Variants in SIGLEC15 observed in about 807,000 individuals in gnomAD.
The protein encoded by SIGLEC15 is sialic acid binding Ig like lectin 15.
A neutral mutation model predicts 26.2 loss-of-function variants in SIGLEC15; 31 were observed. The ratio of observed to expected loss-of-function variants is 1.18; its 90% confidence interval spans 0.89 to 1.60. SIGLEC15 has a LOEUF of 1.60. SIGLEC15 is among the 40% of genes most tolerant of loss of function. SIGLEC15 has a pLI of 0.00. For missense variants in SIGLEC15, 501 were observed against 488.4 expected, an observed-to-expected ratio of 1.03 and a Z score of -0.24; for synonymous variants, 207 against 221.9, an observed-to-expected ratio of 0.93 and a Z score of 0.60.
intron 4 of SIGLEC15, 38 bp downstream of exon 4, chr18:45,839,133 G>A (rs938715380): frequency 5.4e-5 from 73 of 1,356,152 alleles, no homozygotes; most frequent in Non-Finnish European, 6.9e-5. Flanking sequence ...GCGAGGGGCC[G>A]GGCCGGGGCT....
chr18:45,840,363 A>T, intron 5 of SIGLEC15, 122 bp downstream of exon 5: 1 of 1,147,674 alleles, frequency 8.7e-7, no homozygotes, highest in Non-Finnish European at 1.2e-6. Flanking sequence ...TACTTTGACC[A>T]GGGGCTGGGC....
intron 3 of SIGLEC15, 116 bp from the exon 4 acceptor site, chr18:45,838,602 T>C: frequency 7.4e-7 from 1 of 1,345,352 alleles, no homozygotes; most frequent in Non-Finnish European, 9.7e-7. Flanking sequence ...GGGGGCAGCC[T>C]GGCACCCAAG....
chr18:45,840,649 C>G (rs1170807094), intron 5 of SIGLEC15, among the ~76,000 whole-genome samples: 1 of 152,242 alleles, frequency 6.6e-6, no homozygotes, highest in Non-Finnish European at 1.5e-5. Flanking sequence ...TAGGAAATCA[C>G]TGACTCCTGG....
intron 1 of SIGLEC15, among the ~76,000 whole-genome samples, chr18:45,826,743 C>G (rs1206643218): frequency 2.0e-5 from 3 of 152,182 alleles, no homozygotes; most frequent in Non-Finnish European, 4.4e-5. Flanking sequence ...GGATGATAAA[C>G]TCCCACACCT....
intron 1 of SIGLEC15, among the ~76,000 whole-genome samples, chr18:45,827,394 C>G (rs2048194070): frequency 6.6e-6 from 1 of 152,176 alleles, no homozygotes; most frequent in South Asian, 2.1e-4. Context: ...TAGGCACTGA[C>G]AGGGAAGGAG....
intron 1 of SIGLEC15, among the ~76,000 whole-genome samples, chr18:45,835,352 T>C (rs764676147): frequency 1.8e-4 from 27 of 152,084 alleles, no homozygotes; most frequent in Admixed American, 1.3e-4. Flanking sequence ...GTATGGTAAT[T>C]AGCTATTTAA....
Position 45,842,241 on chromosome 18 carries a change from TGCGAG to T in SIGLEC15, c.*57_*61del. The T allele has an allele frequency of 6.3e-7, 1 of 1,594,720 alleles. No individual in the cohort carries two copies. Among genetic ancestry groups the T allele is most frequent in the African/African-American group, 1.3e-5 (1 of 74,672 alleles). On this transcript the variant is annotated 3_prime_UTR_variant, in exon 6 of 6. Transcript: ENST00000389474. ...CAGCACTGTAAAGAACAAAGGCCAG[TGCGAG>T]GCTTGGCTGGCACAGCCAGTCCTGG... is the stretch of plus-strand genomic sequence containing the variant.
At position 45,842,884 on chromosome 18, in the gene SIGLEC15, G is replaced by C. The variant is rs1599401524; in HGVS notation, c.*697G>C. ...CAGAGTTCCAGAGAGCAAGCCTGGG[G>C]CAGGGGCTGTGCAAACGTGTGGTCA... On this transcript the variant is annotated 3_prime_UTR_variant, in exon 6 of 6. Transcript: ENST00000389474. The C allele has an allele frequency of 6.6e-6, 1 of 152,238 alleles. No individual in the cohort carries two copies. The highest frequency in any genetic ancestry group is 2.4e-5 in the African/African-American group (1 of 41,442). 9.4% of individuals were successfully genotyped at this position (152,238 alleles called of 1,614,324 possible). A position where few individuals can be genotyped will look rare whatever the true frequency, so the allele number is the denominator to read the frequency against.
intron 1 of SIGLEC15, among the ~76,000 whole-genome samples, chr18:45,829,543 C>G (rs2048215034): frequency 6.6e-6 from 1 of 152,192 alleles, no homozygotes; most frequent in Non-Finnish European, 1.5e-5. Context: ...AGGTCGACAG[C>G]CAATGGGAGT....
rs148995238 is a variant in SIGLEC15, at chr18:45,826,805, G to A, written c.52+1025G>A. On this transcript the variant is annotated intron_variant, in intron 1 of 5. Transcript: ENST00000389474. ...GTGTACTCAGACTGGAGTCCAGCTCGGGGCTGGTTTGGGCAGTAACAGCAA... is the reference window on the plus strand; with the variant it reads ...GTGTACTCAGACTGGAGTCCAGCTCAGGGCTGGTTTGGGCAGTAACAGCAA... 2.3e-3 allele frequency among the ~76,000 whole-genome samples: 345 copies of A among 152,308 alleles called. 1 individual carries two copies. The highest frequency in any genetic ancestry group is 7.9e-3 in the African/African-American group (329 of 41,558).
At chr18:45,829,246 C>A in intron 1 of SIGLEC15, 1 of 740,864 alleles carries the variant, frequency 1.3e-6, no homozygotes, top group Non-Finnish European at 1.6e-6. Context: ...AAAGGGGAAG[C>A]CAGATAACCC....
At chr18:45,829,963 G>A (rs907354175) in intron 1 of SIGLEC15, among the ~76,000 whole-genome samples, 4 of 152,094 alleles carry the variant, frequency 2.6e-5, no homozygotes, top group Non-Finnish European at 5.9e-5. Context: ...ATTCCACCAC[G>A]ACTACCACGG....
chr18:45,839,823 G>A (rs111803116), intron 4 of SIGLEC15, among the ~76,000 whole-genome samples: 1 of 152,124 alleles, frequency 6.6e-6, no homozygotes, highest in Non-Finnish European at 1.5e-5. Flanking sequence ...CCCCAGAGAG[G>A]GAGGGAGCTT....
chr18:45,834,573 TA>T (rs1308384595), intron 1 of SIGLEC15, among the ~76,000 whole-genome samples: 1 of 152,230 alleles, frequency 6.6e-6, no homozygotes, highest in Non-Finnish European at 1.5e-5. Flanking sequence ...ACAGAAGGGA[TA>T]TTGTTCATGC....
chr18:45,842,086 C>A lies in SIGLEC15; in HGVS notation c.906-20C>A. ...CCTCCCACCTGTTTGGATGATCATT[C>A]AACTTTCTCCTGTCCACAGGTCCCA... is the stretch of plus-strand genomic sequence containing the variant. On this transcript the variant is annotated intron_variant, in intron 5 of 5. Transcript: ENST00000389474. The A allele has an allele frequency of 6.2e-7, 1 of 1,613,028 alleles. No homozygotes were observed. Among genetic ancestry groups the A allele is most frequent in the Non-Finnish European group, 8.5e-7 (1 of 1,179,056 alleles).
intron 1 of SIGLEC15, among the ~76,000 whole-genome samples, chr18:45,836,462 CT>C (rs1162006573): frequency 2.0e-5 from 3 of 152,150 alleles, no homozygotes; most frequent in South Asian, 2.1e-4. Context: ...GGCACCACCC[CT>C]GGCCTTATCC....
chr18:45,837,208 G>A (rs2048282416), intron 2 of SIGLEC15, 120 bp downstream of exon 2: 1 of 1,454,506 alleles, frequency 6.9e-7, no homozygotes, highest in Admixed American at 2.4e-5. Context: ...TAAGAATATG[G>A]GGTCAAGGGG....
chr18:45,833,906 A>G (rs2048255082), intron 1 of SIGLEC15, among the ~76,000 whole-genome samples: 1 of 150,496 alleles, frequency 6.6e-6, no homozygotes, highest in South Asian at 2.1e-4. Context: ...CAAGATAAGT[A>G]AAGGAAATAT....
intron 5 of SIGLEC15, among the ~76,000 whole-genome samples, chr18:45,841,736 T>C (rs535524999): frequency 6.6e-6 from 1 of 152,124 alleles, no homozygotes; most frequent in African/African-American, 2.4e-5. Context: ...GGTGTGAGGG[T>C]CATGCGTAGC....
Sources: allele counts gnomAD v4.1 joint callset (sites outside exome capture counted in the v4.1 genomes callset), GRCh38; gene constraint gnomAD v4.1.1; transcripts MANE v1.5; gene names NCBI Gene and HGNC (gene_info 2026-07-23, HGNC 2026-07-21).